CD8B2: variants seen among roughly 807,000 people sequenced by gnomAD.
CD8B2 encodes CD8B family member 2, also known as T-cell surface glycoprotein CD8 beta-2 chain.
A neutral mutation model predicts 23.7 loss-of-function variants in CD8B2; 11 were observed. The ratio of observed to expected loss-of-function variants is 0.46; its 90% CI spans 0.29 to 0.77. CD8B2 has a LOEUF of 0.77. Among genes scored for constraint, CD8B2 ranks in the 30% least tolerant of loss-of-function variants. CD8B2 has a pLI of 0.09. For missense variants in CD8B2, 197 were observed against 270.5 expected, an observed-to-expected ratio of 0.73 and a Z score of 1.91; for synonymous variants, 90 against 109.3, an observed-to-expected ratio of 0.82 and a Z score of 1.10.
intron 5 of CD8B2, among the ~76,000 whole-genome samples, chr2:106,540,567 C>G (rs1389310295): frequency 6.6e-6 from 1 of 151,084 alleles, no homozygotes; most frequent in Non-Finnish European, 1.5e-5. Context: ...CATCCAAATA[C>G]TCCTTTTTTT....
intron 5 of CD8B2, among the ~76,000 whole-genome samples, chr2:106,532,354 C>T (rs183239750): frequency 9.2e-5 from 14 of 151,996 alleles, no homozygotes; most frequent in Non-Finnish European, 2.1e-4. Context: ...TCTATTAAAG[C>T]GAGCTAGAAT....
chr2:106,491,458 C>G (rs1679194206), intron 2 of CD8B2, among the ~76,000 whole-genome samples: 2 of 152,206 alleles, frequency 1.3e-5, no homozygotes, highest in African/African-American at 2.4e-5. Context: ...GAAGGTAGGT[C>G]TATTACCTAA....
chr2:106,540,729 T>G (rs1680159526), intron 5 of CD8B2, among the ~76,000 whole-genome samples: 1 of 152,070 alleles, frequency 6.6e-6, no homozygotes, highest in East Asian at 1.9e-4. Flanking sequence ...CACGCCAGGC[T>G]AATTTTTCTA....
Position 106,503,686 on chromosome 2 carries a change from G to A in CD8B2, c.584-603G>A, listed in dbSNP as rs185392957. ...AAGTTGGGTGTAGTGGCAAGTGCCC[G>A]TACTTGAGAGGCTGAGGAGGGAGGA... On this transcript the variant is annotated intron_variant, in intron 4 of 5. Transcript: ENST00000643224. Among the ~76,000 whole-genome samples the A allele has an allele frequency of 5.4e-3, 627 of 116,838 alleles. 15 individuals are homozygous for A. The Admixed American group carries it at 0.057, about 11-fold the overall frequency. 76.7% of individuals were successfully genotyped at this position (116,838 alleles called of 152,430 possible).
chr2:106,498,201 G>T (rs1462222740), intron 3 of CD8B2, among the ~76,000 whole-genome samples: 1 of 150,834 alleles, frequency 6.6e-6, no homozygotes, highest in East Asian at 1.9e-4. Context: ...AGGCTGGAGT[G>T]CAGTGGCGTG....
At chr2:106,541,287 C>T (rs1462783807) in intron 5 of CD8B2, among the ~76,000 whole-genome samples, 2 of 152,132 alleles carry the variant, frequency 1.3e-5, no homozygotes, top group African/African-American at 2.4e-5. Flanking sequence ...TTAGTGACCC[C>T]CTATGGAAGT....
intron 3 of CD8B2, among the ~76,000 whole-genome samples, chr2:106,500,210 GTGAAA>G (rs1679377365): frequency 7.8e-6 from 1 of 128,056 alleles, no homozygotes; most frequent in African/African-American, 2.9e-5. Flanking sequence ...TTTTTGAACT[GTGAAA>G]TGAGAGGTAA....
downstream of CD8B2, among the ~76,000 whole-genome samples, chr2:106,514,847 C>T (rs1239691884): frequency 1.3e-5 from 2 of 151,440 alleles, no homozygotes; most frequent in Non-Finnish European, 2.9e-5. Flanking sequence ...TCATAGCATT[C>T]TTTATGACTC....
At chr2:106,530,984 A>G (rs1489998222) in intron 5 of CD8B2, among the ~76,000 whole-genome samples, 1 of 152,230 alleles carries the variant, frequency 6.6e-6, no homozygotes, top group African/African-American at 2.4e-5. Flanking sequence ...AAATAACTAT[A>G]AAAATAGGAA....
chr2:106,535,975 G>T (rs946435179), intron 5 of CD8B2, among the ~76,000 whole-genome samples: 4 of 151,848 alleles, frequency 2.6e-5, no homozygotes, highest in Non-Finnish European at 5.9e-5. Flanking sequence ...GGGGAGGCAG[G>T]TATGTCTTAC....
At chr2:106,502,294 CAAAAAAAA>C (rs547491786) in intron 3 of CD8B2, among the ~76,000 whole-genome samples, 172 bp from the exon 4 acceptor site, 7 of 69,484 alleles carry the variant, frequency 1.0e-4, no homozygotes, top group Middle Eastern at 0.01. Flanking sequence ...GACTCTGTCT[CAAAAAAAA>C]AAAAAAAAAA....
At chr2:106,504,451 G>A (rs1679467658) in intron 5 of CD8B2, 126 bp downstream of exon 5, 4 of 1,528,900 alleles carry the variant, frequency 2.6e-6, no homozygotes, top group Non-Finnish European at 3.5e-6. Context: ...GCCGGGCGTG[G>A]TAGTGCACAC....
intron 5 of CD8B2, among the ~76,000 whole-genome samples, chr2:106,517,008 A>G (rs531975409): frequency 5.5e-4 from 81 of 148,380 alleles, no homozygotes; most frequent in Non-Finnish European, 1.0e-3. Flanking sequence ...GATATATTTT[A>G]TATATTTCAT....
At chr2:106,543,618 A>C (rs1282839542) in intron 5 of CD8B2, among the ~76,000 whole-genome samples, 1 of 152,178 alleles carries the variant, frequency 6.6e-6, no homozygotes, top group Non-Finnish European at 1.5e-5. Context: ...ACTGCACTCC[A>C]GCCTGGGTAA....
Position 106,496,064 on chromosome 2 carries a change from T to C in CD8B2, c.404-109T>C, listed in dbSNP as rs549781444. ...TCTCCTGCCTTGGCCTCCGGAAGTG[T>C]TGGGATTCCAGGCATGAGCCACCGC... On this transcript the variant is annotated intron_variant, in intron 2 of 5. Transcript: ENST00000643224. 1,107 of 1,530,282 alleles carry C rather than the reference T, an allele frequency of 7.2e-4. 1 individual carries two copies. Among genetic ancestry groups the C allele is most frequent in the Non-Finnish European group, 8.8e-4 (992 of 1,132,884 alleles). The allele number at this position is 1,530,282 out of a possible 1,614,324, so 94.8% of individuals were successfully genotyped here. A position where few individuals can be genotyped will look rare whatever the true frequency, so the allele number is the denominator to read the frequency against.
At chr2:106,497,936 G>C (rs1420657663) in intron 3 of CD8B2, among the ~76,000 whole-genome samples, 4 of 152,114 alleles carry the variant, frequency 2.6e-5, no homozygotes, top group Non-Finnish European at 5.9e-5. Flanking sequence ...ACAAAGGGAA[G>C]ACCCCAAGTT....
chr2:106,528,474 G>T (rs906649349), intron 5 of CD8B2, among the ~76,000 whole-genome samples: 4 of 151,908 alleles, frequency 2.6e-5, no homozygotes, highest in African/African-American at 9.7e-5. Context: ...ACTTTCTTTT[G>T]TATGTGGTTA....
rs1008626208 is a variant in CD8B2 at position 106,510,483 on chromosome 2, CTT to C, written c.*3545_*3546del. On this transcript the variant is annotated 3_prime_UTR_variant, in exon 6 of 6. Transcript: ENST00000643224. ...ACAGCTCATGCCTGTAATCCCAGTA[CTT>C]TGGGAGGCCCACACAGAATGATCAC... is the stretch of plus-strand genomic sequence containing the variant. 6.6e-6 allele frequency: 1 copy of C among 152,194 alleles called. No homozygotes were observed. Among genetic ancestry groups the C allele is most frequent in the Non-Finnish European group, 1.5e-5 (1 of 68,040 alleles). The allele number at this position is 152,194 out of a possible 1,614,324, so 9.4% of individuals were successfully genotyped here. A position where few individuals can be genotyped will look rare whatever the true frequency, so the allele number is the denominator to read the frequency against.
chr2:106,487,621 C>G (rs374773104), intron 1 of CD8B2, among the ~76,000 whole-genome samples, 152 bp downstream of exon 1: 5 of 152,300 alleles, frequency 3.3e-5, no homozygotes, highest in East Asian at 1.9e-4. Flanking sequence ...CAGGCAGGGT[C>G]CCTAAGGGTG....
Sources: gnomAD v4.1 joint callset for allele counts (sites outside exome capture counted in the v4.1 genomes callset) on GRCh38, gnomAD v4.1.1 for gene constraint, MANE v1.5 for transcripts, NCBI Gene and HGNC (gene_info 2026-07-23, HGNC 2026-07-21) for gene names.